The following RANBP2 variants were observed in gnomAD, a reference collection of about 807,000 sequenced individuals.
RANBP2 encodes the protein E3 SUMO-protein ligase RanBP2.
A neutral mutation model predicts 303.6 loss-of-function variants in RANBP2; 57 were observed. That is an observed-to-expected ratio of 0.19 (90% CI 0.15 to 0.23). The LOEUF is 0.23. Ranked by LOEUF, RANBP2 falls within the 10% of genes least tolerant of loss-of-function variation. The pLI is 1.00. For missense variants in RANBP2, 3,138 were observed against 3,780.8 expected, an observed-to-expected ratio of 0.83 and a Z score of 4.46; for synonymous variants, 1,167 against 1,301.5, an observed-to-expected ratio of 0.90 and a Z score of 2.23.
the RANBP2 span, among the ~76,000 whole-genome samples, chr2:109,071,039 G>A: frequency 6.6e-6 from 1 of 152,036 alleles, no homozygotes; most frequent in Non-Finnish European, 1.5e-5. Context: ...CCCATATTTA[G>A]GTATTTATTT....
At chr2:109,411,461 G>C in the RANBP2 span, among the ~76,000 whole-genome samples, 1 of 152,198 alleles carries the variant, frequency 6.6e-6, no homozygotes, top group Non-Finnish European at 1.5e-5. Flanking sequence ...GAGCCTGTCA[G>C]TGGGAGGACC....
At chr2:109,667,262 A>G in the RANBP2 span, 3 of 789,188 alleles carry the variant, frequency 3.8e-6, no homozygotes. Context: ...ACAGGCAGAG[A>G]CCAACCATCA....
At chr2:109,319,758 G>A in the RANBP2 span, among the ~76,000 whole-genome samples, 18 of 152,344 alleles carry the variant, frequency 1.2e-4, no homozygotes, top group East Asian at 7.7e-4. Context: ...TGTCCAGGCC[G>A]TGTGTGGCTG....
the RANBP2 span, among the ~76,000 whole-genome samples, chr2:109,084,970 C>T: frequency 6.6e-6 from 1 of 152,186 alleles, no homozygotes; most frequent in Non-Finnish European, 1.5e-5. Flanking sequence ...GTTGATAACA[C>T]CTGAGCCTGA....
the RANBP2 span, among the ~76,000 whole-genome samples, chr2:109,675,555 G>A: frequency 2.0e-5 from 3 of 152,074 alleles, no homozygotes; most frequent in Non-Finnish European, 2.9e-5. Flanking sequence ...GGTAGCAGGC[G>A]CCTGTAATCC....
At chr2:108,933,375 CGT>C in the RANBP2 span, among the ~76,000 whole-genome samples, 8 of 152,116 alleles carry the variant, frequency 5.3e-5, no homozygotes, top group Non-Finnish European at 8.8e-5. Flanking sequence ...AAGGAAAAAG[CGT>C]GTGTCCCTGG....
the RANBP2 span, among the ~76,000 whole-genome samples, chr2:108,941,647 A>G: frequency 1.3e-5 from 2 of 152,238 alleles, no homozygotes; most frequent in Admixed American, 6.5e-5. Context: ...CCCAGGGACT[A>G]GTTCTCAACA....
the RANBP2 span, among the ~76,000 whole-genome samples, chr2:109,240,764 G>A: frequency 6.6e-6 from 1 of 151,134 alleles, no homozygotes; most frequent in South Asian, 2.1e-4. Flanking sequence ...ATTTCCTCCT[G>A]TCGTCCTTCT....
chr2:108,748,301 G>A (rs376472669), intron 8 of RANBP2, among the ~76,000 whole-genome samples: 1 of 151,202 alleles, frequency 6.6e-6, no homozygotes, highest in East Asian at 1.9e-4. Flanking sequence ...TCCACCTCCT[G>A]GGTTCATGCC....
the RANBP2 span, among the ~76,000 whole-genome samples, chr2:109,523,203 C>G: frequency 6.6e-6 from 1 of 152,274 alleles, no homozygotes; most frequent in East Asian, 1.9e-4. Flanking sequence ...TGCTCCTCCT[C>G]CAGGACCGCT....
the RANBP2 span, among the ~76,000 whole-genome samples, chr2:109,485,020 AG>A: frequency 6.6e-6 from 1 of 152,246 alleles, no homozygotes; most frequent in African/African-American, 2.4e-5. Flanking sequence ...TGCTGAAAAT[AG>A]TACGTAACCC....
chr2:109,375,540 G>A, the RANBP2 span, among the ~76,000 whole-genome samples: 2 of 152,242 alleles, frequency 1.3e-5, no homozygotes, highest in African/African-American at 4.8e-5. Context: ...TTCCTTCTGG[G>A]TCTTTAGCCC....
At chr2:108,768,508 A>C (rs1036849676) in intron 20 of RANBP2, 120 bp downstream of exon 20, 31 of 1,566,862 alleles carry the variant, frequency 2.0e-5, no homozygotes, top group Non-Finnish European at 2.7e-5. Context: ...AACACCCCCA[A>C]AATATTTGAG....
chr2:109,478,747 A>C, the RANBP2 span, among the ~76,000 whole-genome samples: 1 of 152,206 alleles, frequency 6.6e-6, no homozygotes, highest in East Asian at 1.9e-4. Context: ...CTCAGAGGCC[A>C]TGCGACGGGC....
the RANBP2 span, among the ~76,000 whole-genome samples, chr2:109,423,946 TGA>T: frequency 6.6e-6 from 1 of 151,934 alleles, no homozygotes; most frequent in African/African-American, 2.4e-5. Flanking sequence ...AGAATTTTAT[TGA>T]GAGAGTCTCT....
the RANBP2 span, among the ~76,000 whole-genome samples, chr2:108,958,068 G>A: frequency 1.7e-4 from 26 of 152,012 alleles, no homozygotes; most frequent in Admixed American, 1.7e-3. Context: ...AAATTACCAT[G>A]CCCGTGAGCC....
the RANBP2 span, among the ~76,000 whole-genome samples, chr2:108,971,417 A>G: frequency 6.6e-5 from 10 of 151,978 alleles, no homozygotes; most frequent in Admixed American, 2.0e-4. Flanking sequence ...TTGCGTGCAA[A>G]TCACATTTTC....
At chr2:108,863,014 G>C in the RANBP2 span, among the ~76,000 whole-genome samples, 1 of 152,114 alleles carries the variant, frequency 6.6e-6, no homozygotes, top group Non-Finnish European at 1.5e-5. Context: ...CATTAAACTT[G>C]TTCTACACAT....
At chr2:109,238,498 T>TGTGA in the RANBP2 span, among the ~76,000 whole-genome samples, 4 of 131,438 alleles carry the variant, frequency 3.0e-5, no homozygotes, top group African/African-American at 1.1e-4. Flanking sequence ...TGTGTGTGTG[T>TGTGA]GAGAGTGAGA....
Sources: allele counts gnomAD v4.1 joint callset (sites outside exome capture counted in the v4.1 genomes callset), GRCh38; gene constraint gnomAD v4.1.1; transcripts MANE v1.5; gene names NCBI Gene and HGNC (gene_info 2026-07-23, HGNC 2026-07-21).